PFKM: variants seen among roughly 807,000 people sequenced by gnomAD.
PFKM encodes ATP-dependent 6-phosphofructokinase, muscle type.
In PFKM, 58 loss-of-function variants were observed where a neutral mutation model predicts 95.5. That is an observed-to-expected ratio of 0.61 (90% CI 0.49 to 0.76). The LOEUF (loss-of-function observed/expected upper bound fraction) is 0.76, where lower values mean the gene tolerates loss of function less well. Ranked by LOEUF, PFKM falls within the 30% of genes least tolerant of loss-of-function variation. PFKM has a pLI of 0.00. For synonymous variants in PFKM, 336 were observed against 357.2 expected, an observed-to-expected ratio of 0.94 and a Z score of 0.67; for missense variants, 678 against 1,005.4, an observed-to-expected ratio of 0.67 and a Z score of 4.40.
At chr12:48,121,891 A>G (rs1332567859) in intron 1 of PFKM, among the ~76,000 whole-genome samples, 1 of 152,180 alleles carries the variant, frequency 6.6e-6, no homozygotes, top group Non-Finnish European at 1.5e-5. Context: ...AGCCTGAAAA[A>G]CTGGGAGAGT....
At chr12:48,109,392 T>G (rs1020380865) in intron 3 of PFKM, among the ~76,000 whole-genome samples, 2 of 151,970 alleles carry the variant, frequency 1.3e-5, no homozygotes, top group Admixed American at 1.3e-4. Context: ...TTTTCTTCCT[T>G]TTGCAACTGT....
rs1205029718 is a variant in PFKM, at chr12:48,141,839, C to T, written c.1500+12C>T. Reference sequence around the variant, plus strand: ...TTGGGGGCTTTGAGGTGAGTGCCTGCCACCATTTCTTCCTCTCTCCCTCCT... The same window carrying T: ...TTGGGGGCTTTGAGGTGAGTGCCTGTCACCATTTCTTCCTCTCTCCCTCCT... On this transcript the variant is annotated intron_variant, in intron 16 of 22. Transcript: ENST00000359794. 6.2e-6 allele frequency: 10 copies of T among 1,612,782 alleles called. No individual in the cohort carries two copies. Among genetic ancestry groups the T allele is most frequent in the Non-Finnish European group, 8.5e-6 (10 of 1,178,826 alleles).
At chr12:48,105,710 T>G, upstream of PFKM, 1 of 487,832 alleles carries the variant, frequency 2.0e-6, no homozygotes, top group Non-Finnish European at 3.8e-6. Context: ...CAACCGGCCT[T>G]TCCCCAAGTA....
intron 3 of PFKM, among the ~76,000 whole-genome samples, chr12:48,111,576 G>A (rs1947189771): frequency 6.6e-6 from 1 of 152,218 alleles, no homozygotes; most frequent in Non-Finnish European, 1.5e-5. Context: ...GAGCGGGGAA[G>A]ATCAGTAGCC....
At chr12:48,105,847 C>T (rs1946514844), upstream of PFKM, 3 of 599,880 alleles carry the variant, frequency 5.0e-6, no homozygotes, top group East Asian at 8.4e-5. Context: ...AGCGCGGCCA[C>T]CGGACAGCAG....
At position 48,144,217 on chromosome 12, in the gene PFKM, C is replaced by T. The variant is rs1592820308; in HGVS notation, c.1992+60C>T. On this transcript the variant is annotated intron_variant, in intron 20 of 22. Coordinates refer to ENST00000359794, the MANE Select transcript of PFKM (RefSeq NM_000289.6). ...ACAGCCATACCTGCCAACAGCCATACCTGCCAACAGCCACTGAGGCTTCCA... is the reference window on the plus strand; with the variant it reads ...ACAGCCATACCTGCCAACAGCCATATCTGCCAACAGCCACTGAGGCTTCCA... The T allele has an allele frequency of 2.6e-6, 3 of 1,139,860 alleles. No individual in the cohort carries two copies. The East Asian group carries it at 7.0e-5, about 27-fold the overall frequency. 70.6% of individuals were successfully genotyped at this position (1,139,860 alleles called of 1,614,324 possible). A position where few individuals can be genotyped will look rare whatever the true frequency, so the allele number is the denominator to read the frequency against.
intron 2 of PFKM, among the ~76,000 whole-genome samples, chr12:48,123,907 T>G (rs1008927845): frequency 2.0e-5 from 3 of 152,206 alleles, no homozygotes; most frequent in African/African-American, 7.2e-5. Flanking sequence ...AGTGAAAACT[T>G]CATGGAGAAG....
intron 3 of PFKM, among the ~76,000 whole-genome samples, chr12:48,110,069 A>G (rs931099512): frequency 2.6e-5 from 4 of 152,228 alleles, no homozygotes; most frequent in African/African-American, 9.6e-5. Flanking sequence ...ATGAAGGAAA[A>G]TAACTCCATG....
intron 3 of PFKM, among the ~76,000 whole-genome samples, chr12:48,112,032 C>T (rs1024022657): frequency 2.6e-5 from 4 of 152,122 alleles, no homozygotes; most frequent in Non-Finnish European, 5.9e-5. Flanking sequence ...TAGGCTAAAA[C>T]AGTAAGGTCA....
chr12:48,126,561 T>C (rs763441924), intron 2 of PFKM, among the ~76,000 whole-genome samples: 37 of 152,204 alleles, frequency 2.4e-4, no homozygotes, highest in Non-Finnish European at 5.3e-4. Context: ...CCACCATCTG[T>C]TGTTTGCTTT....
chr12:48,144,152 C>T lies in PFKM; in HGVS notation c.1987C>T (p.Gln663Ter), dbSNP rs1370659018. The change falls in exon 20 of 23, where the codon CAG becomes TAG. Residue 663 changes from glutamine (Q) to a stop codon, truncating the protein, a stop_gained. Coordinates refer to ENST00000359794, the MANE Select transcript of PFKM (RefSeq NM_000289.6). LOFTEE classifies it high-confidence loss of function. ...DSRKNVLGHMQQGGSPTPFDR... is the reference protein window; with the variant it reads ...DSRKNVLGHM ...CAGGAAGAATGTGCTTGGTCACATGCAGCAGGTAGGGAAGACACCGTAGTC... is the reference window on the plus strand; with the variant it reads ...CAGGAAGAATGTGCTTGGTCACATGTAGCAGGTAGGGAAGACACCGTAGTC... 6.2e-7 allele frequency: 1 copy of T among 1,601,976 alleles called. No individual in the cohort carries two copies. Among genetic ancestry groups the T allele is most frequent in the Non-Finnish European group, 8.6e-7 (1 of 1,169,536 alleles).
chr12:48,144,707 C>T (rs1303058874), intron 20 of PFKM, among the ~76,000 whole-genome samples: 4 of 152,216 alleles, frequency 2.6e-5, no homozygotes, highest in Non-Finnish European at 5.9e-5. Context: ...ACAAAAGCTG[C>T]TGGGCTGAAG....
chr12:48,105,797 A>G, upstream of PFKM: 1 of 587,574 alleles, frequency 1.7e-6, no homozygotes, highest in South Asian at 2.0e-5. Flanking sequence ...AGAGACCAGA[A>G]GGAACGGCCT....
At chr12:48,107,068 G>C (rs983130338) in intron 1 of PFKM, among the ~76,000 whole-genome samples, 1 of 152,090 alleles carries the variant, frequency 6.6e-6, no homozygotes, top group African/African-American at 2.4e-5. Context: ...CCCCTTAATA[G>C]GTCCTTTACA....
rs528074779 is a variant in PFKM, at chr12:48,139,225, G to A, written c.1063-60G>A. Reference sequence around the variant, plus strand: ...GGGCAGAGTTCGACTGTGGGATGGAGTTCCAGCTGTGCAGAATCCTGACCC... The same window carrying A: ...GGGCAGAGTTCGACTGTGGGATGGAATTCCAGCTGTGCAGAATCCTGACCC... On this transcript the variant is annotated intron_variant, in intron 11 of 22. Transcript: ENST00000359794. The A allele has an allele frequency of 1.2e-5, 16 of 1,328,562 alleles. No homozygotes were observed. The East Asian group carries it at 3.5e-4, about 29-fold the overall frequency. The allele number at this position is 1,328,562 out of a possible 1,614,324, so 82.3% of individuals were successfully genotyped here.
intron 2 of PFKM, among the ~76,000 whole-genome samples, chr12:48,129,520 A>G (rs753573187): frequency 1.3e-5 from 2 of 152,208 alleles, no homozygotes; most frequent in Admixed American, 1.3e-4. Flanking sequence ...GTGAGAGAAT[A>G]GAGTCCCCAC....
In PFKM at chr12:48,141,390, C is replaced by A; in HGVS notation, c.1412+9C>A. The A allele has an allele frequency of 6.2e-7, 1 of 1,611,630 alleles. No homozygotes were observed. Among genetic ancestry groups the A allele is most frequent in the Non-Finnish European group, 8.5e-7 (1 of 1,177,670 alleles). ...AAACTTGGGACTAAAAGGTAAGTAG[C>A]ACTGCAGAGGCACCTCCTCCCAGTC... On this transcript the variant is annotated intron_variant, in intron 15 of 22. Transcript: ENST00000359794.
chr12:48,139,843 C>G lies in PFKM; in HGVS notation c.1128-6C>G, dbSNP rs774061487. On this transcript the variant is annotated splice_region_variant and splice_polypyrimidine_tract_variant and intron_variant, in intron 12 of 22. Transcript: ENST00000359794. ...AGACACCTCTCTCTATTTGTACTTC[C>G]TACAGGAGCTTCATGAACAACTGGG... The G allele has an allele frequency of 1.2e-6, 2 of 1,600,164 alleles. No individual in the cohort carries two copies. Among genetic ancestry groups the G allele is most frequent in the South Asian group, 2.2e-5 (2 of 90,714 alleles).
In PFKM at chr12:48,141,828, G is replaced by T; in HGVS notation, c.1500+1G>T. The T allele has an allele frequency of 1.9e-6, 3 of 1,613,582 alleles. No individual in the cohort carries two copies. The highest frequency in any genetic ancestry group is 2.5e-6 in the Non-Finnish European group (3 of 1,179,516). On this transcript the variant is annotated splice_donor_variant, in intron 16 of 22. Coordinates refer to ENST00000359794, the MANE Select transcript of PFKM (RefSeq NM_000289.6). LOFTEE classifies it high-confidence loss of function. ...CCTTGTCATCATTGGGGGCTTTGAG[G>T]TGAGTGCCTGCCACCATTTCTTCCT...
Sources: gnomAD v4.1 joint callset for allele counts (sites outside exome capture counted in the v4.1 genomes callset) on GRCh38, gnomAD v4.1.1 for gene constraint, MANE v1.5 for transcripts, NCBI Gene and HGNC (gene_info 2026-07-23, HGNC 2026-07-21) for gene names.